Variants in CAMKK2 observed in about 807,000 individuals in gnomAD.
CAMKK2 encodes the protein calcium/calmodulin dependent protein kinase kinase 2.
Under a neutral mutation model 67.2 loss-of-function variants are expected in CAMKK2, and 30 were observed. The observed-to-expected ratio is 0.45, with a 90% CI of 0.33 to 0.61. The LOEUF (loss-of-function observed/expected upper bound fraction) is 0.61, where lower values mean the gene tolerates loss of function less well. Ranked by LOEUF, CAMKK2 falls within the 20% of genes least tolerant of loss-of-function variation. The probability of loss-of-function intolerance (pLI) is 0.02; values close to 1 mark genes in which losing one functional copy is unlikely to be tolerated. For missense variants in CAMKK2, 643 were observed against 802.0 expected (o/e 0.80, Z 2.39); for synonymous variants, 322 against 326.2 (o/e 0.99, Z 0.14).
At chr12:121,255,937 C>G (rs1201639773) in intron 7 of CAMKK2, 133 bp from the exon 8 acceptor site, 3 of 843,980 alleles carry the variant, frequency 3.6e-6, no homozygotes, top group South Asian at 1.5e-5. Flanking sequence ...GGGAGAGGAA[C>G]AGTCCACTGA....
chr12:121,263,745 G>T, intron 6 of CAMKK2, 61 bp downstream of exon 6: 1 of 1,504,502 alleles, frequency 6.6e-7, no homozygotes, highest in Non-Finnish European at 9.0e-7. Flanking sequence ...CCAGTGGCGG[G>T]GTGTTTGGGT....
At chr12:121,284,620 C>T (rs1898384068) in intron 1 of CAMKK2, among the ~76,000 whole-genome samples, 1 of 152,142 alleles carries the variant, frequency 6.6e-6, no homozygotes, top group Non-Finnish European at 1.5e-5. Flanking sequence ...TCACCGCACC[C>T]GGCCGGGCTG....
intron 5 of CAMKK2, among the ~76,000 whole-genome samples, chr12:121,267,163 G>A (rs191347850): frequency 7.1e-4 from 96 of 135,834 alleles, no homozygotes; most frequent in African/African-American, 2.6e-3. Flanking sequence ...AGGCTGGAGT[G>A]CAGTGGCGCA....
chr12:121,290,121 G>A (rs79927449), intron 1 of CAMKK2, among the ~76,000 whole-genome samples: 5,437 of 152,174 alleles, frequency 0.036, 242 homozygotes, highest in East Asian at 0.14. Context: ...CAAAGATCAC[G>A]TCCTCCCTTC....
Position 121,240,953 on chromosome 12 carries a change from C to A in CAMKK2, c.1597-84G>T. ...GCCAGCTGCTCCCACATCTGGGCCC[C>A]CTGCCCAAGTGGGCCGTCGCGCACC... On this transcript the variant is annotated intron_variant, in intron 16 of 16. Coordinates refer to ENST00000404169, the MANE Select transcript of CAMKK2 (RefSeq NM_001270485.2). This position sits in a 1 kb window ranked among gnomAD's most constrained non-coding sequence, Gnocchi z 4.4. 1.4e-6 allele frequency: 2 copies of A among 1,435,038 alleles called. No individual in the cohort carries two copies. The highest frequency in any genetic ancestry group is 1.9e-6 in the Non-Finnish European group (2 of 1,043,984). 88.9% of individuals were successfully genotyped at this position (1,435,038 alleles called of 1,614,324 possible). A position where few individuals can be genotyped will look rare whatever the true frequency, so the allele number is the denominator to read the frequency against.
chr12:121,260,483 C>A, intron 6 of CAMKK2, 128 bp from the exon 7 acceptor site: 1 of 781,690 alleles, frequency 1.3e-6, no homozygotes, highest in Admixed American at 2.3e-5. Context: ...CATTTGGCAG[C>A]GTGTTTCCCA....
chr12:121,283,768 T>C (rs558261709), intron 1 of CAMKK2, among the ~76,000 whole-genome samples: 2 of 152,256 alleles, frequency 1.3e-5, no homozygotes, highest in East Asian at 1.9e-4. Flanking sequence ...TGAACTATGA[T>C]TGCACCACTG....
chr12:121,268,756 G>A, intron 4 of CAMKK2, 67 bp from the exon 5 acceptor site: 1 of 1,499,184 alleles, frequency 6.7e-7, no homozygotes, highest in Non-Finnish European at 9.3e-7. Context: ...AAAGGGGAAG[G>A]AGGGCGCAGT....
At chr12:121,242,670 C>T (rs966091257) in intron 16 of CAMKK2, among the ~76,000 whole-genome samples, 1 of 152,252 alleles carries the variant, frequency 6.6e-6, no homozygotes, top group Non-Finnish European at 1.5e-5. Context: ...TAAATAATTC[C>T]CAAACAGGTG....
chr12:121,246,966 C>CAGACTTGTCCCAAGTCTTGTCCCA (rs1469731072), intron 14 of CAMKK2, among the ~76,000 whole-genome samples: 1 of 152,138 alleles, frequency 6.6e-6, no homozygotes, highest in African/African-American at 2.4e-5. Flanking sequence ...TGTCCCAAGT[C>CAGACTTGTCCCAAGTCTTGTCCCA]AGACCACTTC....
intron 1 of CAMKK2, among the ~76,000 whole-genome samples, chr12:121,287,830 A>G (rs1899071099): frequency 6.6e-6 from 1 of 152,072 alleles, no homozygotes; most frequent in African/African-American, 2.4e-5. Context: ...ACATTAGCCA[A>G]GTGTGGTGCT....
intron 11 of CAMKK2, among the ~76,000 whole-genome samples, chr12:121,252,415 T>C (rs1336563075): frequency 6.6e-6 from 1 of 152,224 alleles, no homozygotes. Flanking sequence ...ACTATAGGCA[T>C]GCGCCATCAC....
chr12:121,255,451 C>G, intron 9 of CAMKK2, 99 bp downstream of exon 9: 1 of 928,460 alleles, frequency 1.1e-6, no homozygotes, highest in Non-Finnish European at 1.6e-6. Flanking sequence ...GCCCACCTCC[C>G]TGTGCTCCAG....
intron 1 of CAMKK2, among the ~76,000 whole-genome samples, chr12:121,287,642 G>T (rs968664852): frequency 1.3e-5 from 2 of 152,230 alleles, no homozygotes; most frequent in Non-Finnish European, 2.9e-5. Context: ...ATCACTGAAA[G>T]AATGGCCCCA....
chr12:121,265,143 C>A (rs1702466712), intron 5 of CAMKK2, among the ~76,000 whole-genome samples: 1 of 152,120 alleles, frequency 6.6e-6, no homozygotes, highest in South Asian at 2.1e-4. Context: ...GATGTACAGA[C>A]CCACAGTGAA....
At chr12:121,271,167 C>T (rs1895676146) in intron 2 of CAMKK2, among the ~76,000 whole-genome samples, 3 of 151,140 alleles carry the variant, frequency 2.0e-5, no homozygotes, top group Admixed American at 6.6e-5. Context: ...CCCAGCTACT[C>T]AGGAGGCTGA....
At chr12:121,247,385 T>A (rs2686342) in intron 14 of CAMKK2, among the ~76,000 whole-genome samples, 115,283 of 152,066 alleles carry the variant, frequency 0.76, 43,909 homozygotes, top group Non-Finnish European at 0.8. Flanking sequence ...GTGTTTCCCG[T>A]ATAATGAATG....
chr12:121,297,517 T>G, upstream of CAMKK2: 1 of 479,674 alleles, frequency 2.1e-6, no homozygotes, highest in Non-Finnish European at 4.2e-6. Flanking sequence ...ATTCTTCCCA[T>G]TCTCCCCTTT....
chr12:121,246,215 T>G (rs1889413871), intron 14 of CAMKK2, among the ~76,000 whole-genome samples: 1 of 146,752 alleles, frequency 6.8e-6, no homozygotes, highest in South Asian at 2.2e-4. Flanking sequence ...ACTTTAATTT[T>G]ATGTTATGTG....
Sources: gnomAD v4.1 joint callset for allele counts (sites outside exome capture counted in the v4.1 genomes callset) on GRCh38, gnomAD v4.1.1 for gene constraint, Gnocchi (gnomAD v3.1) non-coding constraint, MANE v1.5 for transcripts, NCBI Gene and HGNC (gene_info 2026-07-23, HGNC 2026-07-21) for gene names.